The following SMG6 variants were observed in gnomAD, a reference collection of about 807,000 sequenced individuals.
The protein encoded by SMG6 is telomerase-binding protein EST1A.
SMG6 carries 66 observed loss-of-function variants against 142.2 expected under a neutral mutation model. The ratio of observed to expected loss-of-function variants is 0.46; its 90% confidence interval spans 0.38 to 0.57. The LOEUF (loss-of-function observed/expected upper bound fraction) is 0.57, where lower values mean the gene tolerates loss of function less well. Among genes scored for constraint, SMG6 ranks in the 20% least tolerant of loss-of-function variants. SMG6 has a pLI of 0.00. For synonymous variants in SMG6, 779 were observed against 702.4 expected (o/e 1.11, Z -1.72); for missense variants, 1,793 against 1,832.0 (o/e 0.98, Z 0.39).
intron 13 of SMG6, among the ~76,000 whole-genome samples, chr17:2,170,682 C>T (rs900343992): frequency 2.0e-5 from 3 of 152,192 alleles, no homozygotes; most frequent in Non-Finnish European, 2.9e-5. Flanking sequence ...AAGAAGGGTT[C>T]TCTGATTCCC....
At chr17:2,190,724 G>A (rs904625443) in intron 10 of SMG6, among the ~76,000 whole-genome samples, 14 of 110,806 alleles carry the variant, frequency 1.3e-4, no homozygotes, top group African/African-American at 4.1e-4. Flanking sequence ...CCACCTCCCA[G>A]GGCAGCAGCT....
rs2075327897 is a variant in SMG6, at chr17:2,303,326, C to G, written c.88+307G>C. ...CCACTCCTTTCCGCGTCTCCCGATG[C>G]CTGGGAATCCGGGGCGGGTCTGAGA... On this transcript the variant is annotated intron_variant, in intron 1 of 18. Transcript: ENST00000263073. The G allele has an allele frequency of 1.5e-5, 17 of 1,155,982 alleles. No homozygotes were observed. In the Admixed American group the frequency reaches 8.1e-4, roughly 55 times the overall value. The allele number at this position is 1,155,982 out of a possible 1,614,324, so 71.6% of individuals were successfully genotyped here. A position where few individuals can be genotyped will look rare whatever the true frequency, so the allele number is the denominator to read the frequency against.
chr17:2,167,494 C>T (rs1324695576), intron 13 of SMG6, among the ~76,000 whole-genome samples: 1 of 152,184 alleles, frequency 6.6e-6, no homozygotes, highest in African/African-American at 2.4e-5. Flanking sequence ...TTTTCTGCTT[C>T]AAAGATACAA....
At chr17:2,238,103 C>G (rs1053341128) in intron 9 of SMG6, among the ~76,000 whole-genome samples, 6 of 152,176 alleles carry the variant, frequency 3.9e-5, no homozygotes, top group Non-Finnish European at 7.3e-5. Context: ...GGGAAGTGTC[C>G]TCCCTGGATT....
At chr17:2,294,317 C>T (rs538375502) in intron 4 of SMG6, among the ~76,000 whole-genome samples, 1 of 152,334 alleles carries the variant, frequency 6.6e-6, no homozygotes, top group South Asian at 2.1e-4. Flanking sequence ...ACAAAGAGAA[C>T]TGATTATGCC....
intron 8 of SMG6, among the ~76,000 whole-genome samples, chr17:2,256,538 G>A (rs191527716): frequency 3.8e-4 from 58 of 152,202 alleles, no homozygotes; most frequent in African/African-American, 1.3e-3. Flanking sequence ...GAGGCGGGTG[G>A]ATCGCTTGAG....
chr17:2,265,860 T>G (rs2074413371), intron 8 of SMG6: 1 of 342,788 alleles, frequency 2.9e-6, no homozygotes, highest in Non-Finnish European at 4.1e-6. Flanking sequence ...TGGAGTATGC[T>G]ATAAACAACA....
intron 11 of SMG6, 129 bp from the exon 12 acceptor site, chr17:2,186,960 C>T: frequency 3.3e-6 from 3 of 914,752 alleles, no homozygotes; most frequent in East Asian, 2.7e-5. Context: ...GGCCCAGAAG[C>T]GAGGACAAGC....
intron 16 of SMG6, among the ~76,000 whole-genome samples, chr17:2,067,259 G>A (rs946561861): frequency 1.3e-5 from 2 of 152,150 alleles, no homozygotes; most frequent in Non-Finnish European, 2.9e-5. Flanking sequence ...CAGGGCCAAG[G>A]GCTACAGCCT....
chr17:2,248,952 T>C (rs959448525), intron 8 of SMG6, among the ~76,000 whole-genome samples: 2 of 151,968 alleles, frequency 1.3e-5, no homozygotes, highest in African/African-American at 4.8e-5. Context: ...AGTGGCGCTA[T>C]CTCAGCTCAC....
intron 10 of SMG6, among the ~76,000 whole-genome samples, chr17:2,231,129 C>T (rs780223969): frequency 6.6e-5 from 10 of 152,110 alleles, no homozygotes; most frequent in Non-Finnish European, 1.0e-4. Context: ...AAGAGACTCA[C>T]GACAGAAGTG....
At chr17:2,303,415 C>A in intron 1 of SMG6, 2 of 1,256,472 alleles carry the variant, frequency 1.6e-6, no homozygotes, top group Non-Finnish European at 2.0e-6. Context: ...GGAATTCGGG[C>A]CAGGCTCTCC....
intron 12 of SMG6, among the ~76,000 whole-genome samples, chr17:2,174,979 G>C (rs1477547729): frequency 2.0e-5 from 3 of 152,028 alleles, no homozygotes; most frequent in African/African-American, 7.3e-5. Context: ...CCACAGCCCT[G>C]ATAGTTTATC....
At chr17:2,218,145 T>C (rs1411245520) in intron 10 of SMG6, among the ~76,000 whole-genome samples, 1 of 152,218 alleles carries the variant, frequency 6.6e-6, no homozygotes, top group Non-Finnish European at 1.5e-5. Context: ...TCTCTTGCTG[T>C]TCAGCTCAAT....
At chr17:2,171,693 A>G (rs1331092512) in intron 13 of SMG6, among the ~76,000 whole-genome samples, 1 of 151,518 alleles carries the variant, frequency 6.6e-6, no homozygotes, top group East Asian at 1.9e-4. Flanking sequence ...TATTCTACAT[A>G]AAGTCTCTCA....
Position 2,244,576 on chromosome 17 carries a change from A to C in SMG6, c.2723+82T>G, listed in dbSNP as rs914769096. 4.5e-6 allele frequency: 5 copies of C among 1,116,392 alleles called. No individual in the cohort carries two copies. In the African/African-American group the frequency reaches 6.1e-5, roughly 14 times the overall value. 69.2% of individuals were successfully genotyped at this position (1,116,392 alleles called of 1,614,324 possible). A position where few individuals can be genotyped will look rare whatever the true frequency, so the allele number is the denominator to read the frequency against. On this transcript the variant is annotated intron_variant, in intron 9 of 18. Coordinates refer to ENST00000263073, the MANE Select transcript of SMG6 (RefSeq NM_017575.5). ...TTCACACCCTGTGCCCTCAGTTACA[A>C]ACACAGTCCAGTTGCTAACAATATT... is the stretch of plus-strand genomic sequence containing the variant.
chr17:2,133,420 T>G (rs531345372), intron 13 of SMG6, among the ~76,000 whole-genome samples: 1 of 152,184 alleles, frequency 6.6e-6, no homozygotes, highest in African/African-American at 2.4e-5. Flanking sequence ...TATGAAACAG[T>G]GGGAAAGCGC....
intron 8 of SMG6, among the ~76,000 whole-genome samples, chr17:2,261,603 C>T (rs2074316347): frequency 6.6e-6 from 1 of 152,108 alleles, no homozygotes; most frequent in Admixed American, 6.5e-5. Context: ...GGTAGACATG[C>T]AGATGACTGG....
intron 1 of SMG6, among the ~76,000 whole-genome samples, chr17:2,301,732 C>T (rs2075281874): frequency 6.6e-6 from 1 of 152,248 alleles, no homozygotes; most frequent in South Asian, 2.1e-4. Context: ...GTCCCAGCTA[C>T]TCGGGAAGCT....
Sources: gnomAD v4.1 joint callset for allele counts (sites outside exome capture counted in the v4.1 genomes callset) on GRCh38, gnomAD v4.1.1 for gene constraint, MANE v1.5 for transcripts, NCBI Gene and HGNC (gene_info 2026-07-23, HGNC 2026-07-21) for gene names.